Variants in FYCO1 observed in about 807,000 individuals in gnomAD.
FYCO1 encodes FYVE and coiled-coil domain autophagy adaptor 1, also known as FYVE and coiled-coil domain-containing protein 1.
In FYCO1, 122 loss-of-function variants were observed where a neutral mutation model predicts 165.1. The observed-to-expected ratio is 0.74, with a 90% confidence interval of 0.64 to 0.86. FYCO1 has a LOEUF of 0.86. Ranked by LOEUF, FYCO1 falls within the 40% of genes least tolerant of loss-of-function variation. FYCO1 has a pLI of 0.00. For missense variants in FYCO1, 1,702 were observed against 1,810.3 expected, an observed-to-expected ratio of 0.94 and a Z score of 1.09; for synonymous variants, 648 against 742.5, an observed-to-expected ratio of 0.87 and a Z score of 2.07.
At chr3:45,980,725 C>T (rs749184575) in intron 3 of FYCO1, among the ~76,000 whole-genome samples, 1 of 152,196 alleles carries the variant, frequency 6.6e-6, no homozygotes, top group Non-Finnish European at 1.5e-5. Context: ...CACAATGACA[C>T]AGGTATATCT....
rs150577957 is a variant in FYCO1 at position 45,926,435 on chromosome 3, T to C, written c.4252-2670A>G. Among the ~76,000 whole-genome samples, 12 of 152,362 alleles carry C rather than the reference T, an allele frequency of 7.9e-5. No individual in the cohort carries two copies. The East Asian group carries it at 2.1e-3, about 27-fold the overall frequency. On this transcript the variant is annotated intron_variant, in intron 16 of 17. Coordinates refer to ENST00000296137, the MANE Select transcript of FYCO1 (RefSeq NM_024513.4). ...AGGGATAATTTCATAATGATAAATA[T>C]GTCAGTTCATTAAAAGGACAATAAT...
intron 14 of FYCO1, among the ~76,000 whole-genome samples, chr3:45,941,646 G>A (rs566139650): frequency 8.5e-5 from 13 of 152,288 alleles, no homozygotes; most frequent in Admixed American, 5.9e-4. Flanking sequence ...GAATGGCCAC[G>A]ATAAACAAGC....
chr3:45,937,016 C>T (rs1456674334), intron 14 of FYCO1, among the ~76,000 whole-genome samples: 3 of 152,164 alleles, frequency 2.0e-5, no homozygotes, highest in Non-Finnish European at 4.4e-5. Flanking sequence ...ATCCTTAGAA[C>T]ATTTTGGCAA....
chr3:45,950,908 T>G (rs1420409050), intron 14 of FYCO1, among the ~76,000 whole-genome samples: 1 of 152,206 alleles, frequency 6.6e-6, no homozygotes, highest in East Asian at 1.9e-4. Flanking sequence ...CACCATATCC[T>G]GTTCTCATTT....
chr3:45,963,323 C>A (rs1705808296), intron 10 of FYCO1, among the ~76,000 whole-genome samples: 1 of 152,100 alleles, frequency 6.6e-6, no homozygotes, highest in South Asian at 2.1e-4. Context: ...TGAGATCTTA[C>A]AAAAAACCAC....
chr3:45,944,042 T>C (rs1014743027), intron 14 of FYCO1, among the ~76,000 whole-genome samples: 3 of 152,184 alleles, frequency 2.0e-5, no homozygotes, highest in African/African-American at 7.2e-5. Flanking sequence ...TAAAATGTGA[T>C]CATTTTTTCC....
At chr3:45,930,817 G>A (rs1216213217) in intron 16 of FYCO1, among the ~76,000 whole-genome samples, 1 of 152,122 alleles carries the variant, frequency 6.6e-6, no homozygotes, top group Non-Finnish European at 1.5e-5. Flanking sequence ...TATCCCAAGG[G>A]CAGACTGTAC....
At position 45,993,515 on chromosome 3, in the gene FYCO1, C is replaced by G. The variant is rs1385592359; in HGVS notation, c.-113+2207G>C. Among the ~76,000 whole-genome samples the G allele has an allele frequency of 1.3e-5, 2 of 151,912 alleles. No homozygotes were observed. The highest frequency in any genetic ancestry group is 2.9e-5 in the Non-Finnish European group (2 of 68,046). On this transcript the variant is annotated intron_variant, in intron 1 of 17. Coordinates refer to ENST00000296137, the MANE Select transcript of FYCO1 (RefSeq NM_024513.4). The surrounding 1 kb of genome is among the most constrained non-coding windows in gnomAD (Gnocchi z 4.4). ...ATTTATTTAATTGCTCAGATAGAGG[C>G]TCTTATACCAATAAAGACTTCTTAT... is the stretch of plus-strand genomic sequence containing the variant.
At chr3:45,992,863 T>A (rs1707623918) in intron 1 of FYCO1, among the ~76,000 whole-genome samples, 1 of 152,196 alleles carries the variant, frequency 6.6e-6, no homozygotes. Flanking sequence ...CTGATTCAGC[T>A]ATCCAGCCCT....
At position 45,958,561 on chromosome 3, in the gene FYCO1, C is replaced by A; in HGVS notation, c.3646G>T (p.Gly1216Cys). The change falls in exon 13 of 18, where the codon GGT (glycine) becomes TGT (cysteine). Residue 1216 changes from glycine (G) to cysteine (C), a missense_variant. Physicochemically the swap from Gly to Cys is radical, Grantham distance 159. Coordinates refer to ENST00000296137, the MANE Select transcript of FYCO1 (RefSeq NM_024513.4). ...CCNNYVLSKH[G>C]GKKERCCRAC... is the part of the protein sequence containing the mutation. ...CGGCAGCAGCGCTCCTTTTTGCCAC[C>A]GTGCTTGCTCAGGACGTAGTTGTTG... 3 of 1,614,200 alleles carry A rather than the reference C, an allele frequency of 1.9e-6. No homozygotes were observed. Among genetic ancestry groups the A allele is most frequent in the Non-Finnish European group, 1.7e-6 (2 of 1,180,030 alleles).
rs753829330 is a variant in FYCO1, at chr3:45,967,920, G to A, written c.1414C>T (p.Arg472Trp). 28 of 1,613,974 alleles carry A rather than the reference G, an allele frequency of 1.7e-5. No individual in the cohort carries two copies. The highest frequency in any genetic ancestry group is 4.4e-5 in the South Asian group (4 of 91,086). Residue 472 changes from arginine to tryptophan, a missense_variant, in exon 8 of 18, where the codon CGG (arginine) becomes TGG (tryptophan). By Grantham distance (101) the Arg-to-Trp change is moderately radical. Transcript: ENST00000296137. ...GTGTGGGCCAGCAACTCCTGCAGCC[G>A]TCGCCAGAGCTGGTCTGCCTCCTGT... is the stretch of plus-strand genomic sequence containing the variant. Reference protein sequence around the residue: ...KGQEADQLWRRLQELLAHTSS... With the variant: ...KGQEADQLWRWLQELLAHTSS...
chr3:45,955,290 T>A lies in FYCO1; in HGVS notation c.3903A>T (p.Thr1301=), dbSNP rs144525738. 2 of 1,614,116 alleles carry A rather than the reference T, an allele frequency of 1.2e-6. No homozygotes were observed. The highest frequency in any genetic ancestry group is 1.7e-6 in the Non-Finnish European group (2 of 1,180,030). ...IQESGSSLPE[T]PTETDSLDPN... The stretch of plus-strand genomic sequence containing the variant: ...GGTCGAGAGAATCAGTTTCAGTGGG[T>A]GTTTCAGGCAAAGAGGAGCCGGACT... The change falls in exon 14 of 18, where the codon ACA becomes ACT. Residue 1301 remains threonine, a synonymous_variant. Transcript: ENST00000296137.
At chr3:45,925,750 C>T (rs528138910) in intron 16 of FYCO1, among the ~76,000 whole-genome samples, 9 of 151,948 alleles carry the variant, frequency 5.9e-5, no homozygotes, top group East Asian at 3.9e-4. Context: ...AGGGGAGAAC[C>T]GGCAAGGGGT....
At chr3:45,925,751 G>A (rs1244390689) in intron 16 of FYCO1, among the ~76,000 whole-genome samples, 1 of 152,136 alleles carries the variant, frequency 6.6e-6, no homozygotes, top group Non-Finnish European at 1.5e-5. Flanking sequence ...GGGGAGAACC[G>A]GCAAGGGGTG....
chr3:45,979,844 G>A lies in FYCO1; in HGVS notation c.163-14C>T. ...TTTCTGATCAAACTGGGTAGGGAAA[G>A]GGAAAGGGAGAGGAGGTCCAAACCC... On this transcript the variant is annotated splice_polypyrimidine_tract_variant and intron_variant, in intron 3 of 17. Coordinates refer to ENST00000296137, the MANE Select transcript of FYCO1 (RefSeq NM_024513.4). 1.9e-6 allele frequency: 3 copies of A among 1,613,582 alleles called. No individual in the cohort carries two copies. The highest frequency in any genetic ancestry group is 2.5e-6 in the Non-Finnish European group (3 of 1,179,688).
Position 45,964,648 on chromosome 3 carries a change from T to TGA in FYCO1, c.3151-195_3151-194insTC. 7.2e-6 allele frequency: 5 copies of TGA among 694,268 alleles called. No individual in the cohort carries two copies. The highest frequency in any genetic ancestry group is 8.9e-6 in the Non-Finnish European group (5 of 563,932). The allele number at this position is 694,268 out of a possible 1,614,324, so 43.0% of individuals were successfully genotyped here. A position where few individuals can be genotyped will look rare whatever the true frequency, so the allele number is the denominator to read the frequency against. ...CTCAACTGCAACTAGTTGTGGTGGTTGGCAAGTGGCAGGTACCAGAATTCC... is the reference window on the plus strand; with the variant it reads ...CTCAACTGCAACTAGTTGTGGTGGTTGAGGCAAGTGGCAGGTACCAGAATTCC... On this transcript the variant is annotated intron_variant, in intron 9 of 17. Transcript: ENST00000296137. The surrounding 1 kb of genome is among the most constrained non-coding windows in gnomAD (Gnocchi z 4.1).
At chr3:45,960,508 A>G (rs1168138061) in intron 11 of FYCO1, among the ~76,000 whole-genome samples, 2 of 152,316 alleles carry the variant, frequency 1.3e-5, no homozygotes, top group Middle Eastern at 3.4e-3. Context: ...AGGCTGGTCC[A>G]CCCAAACTTT....
rs959819061 is a variant in FYCO1 at position 45,918,954 on chromosome 3, G to A, written c.*2811C>T. The A allele has an allele frequency of 6.6e-6, 1 of 152,110 alleles. No individual in the cohort carries two copies. The highest frequency in any genetic ancestry group is 1.5e-5 in the Non-Finnish European group (1 of 68,070). The allele number at this position is 152,110 out of a possible 1,614,324, so 9.4% of individuals were successfully genotyped here. A position where few individuals can be genotyped will look rare whatever the true frequency, so the allele number is the denominator to read the frequency against. On this transcript the variant is annotated 3_prime_UTR_variant, in exon 18 of 18. Coordinates refer to ENST00000296137, the MANE Select transcript of FYCO1 (RefSeq NM_024513.4). The stretch of plus-strand genomic sequence containing the variant: ...TGGGTAAGTGAATCTGACAGAGGTT[G>A]GCATGTTCTTGAAGGTGGTGAGTGG...
chr3:45,932,517 T>TACCATACC (rs1703682614), intron 15 of FYCO1, among the ~76,000 whole-genome samples: 1 of 152,248 alleles, frequency 6.6e-6, no homozygotes, highest in South Asian at 2.1e-4. Context: ...ATCATCTTCC[T>TACCATACC]ACCATACCAA....
Sources: gnomAD v4.1 joint callset for allele counts (sites outside exome capture counted in the v4.1 genomes callset) on GRCh38, gnomAD v4.1.1 for gene constraint, Gnocchi (gnomAD v3.1) non-coding constraint, MANE v1.5 for transcripts, NCBI Gene and HGNC (gene_info 2026-07-23, HGNC 2026-07-21) for gene names.